NELL1: variants seen among roughly 807,000 people sequenced by gnomAD.
NELL1 encodes the protein neural EGFL like 1.
NELL1 carries 76 observed loss-of-function variants against 107.4 expected under a neutral mutation model. The ratio of observed to expected loss-of-function variants is 0.71; its 90% CI spans 0.59 to 0.86. The LOEUF (loss-of-function observed/expected upper bound fraction) is 0.86. Among genes scored for constraint, NELL1 ranks in the 40% least tolerant of loss-of-function variants. The pLI, the probability that NELL1 is intolerant of heterozygous loss-of-function variation, is 0.00. For synonymous variants in NELL1, 353 were observed against 341.2 expected, an observed-to-expected ratio of 1.03 and a Z score of -0.38; for missense variants, 1,024 against 1,005.5, an observed-to-expected ratio of 1.02 and a Z score of -0.25.
intron 4 of NELL1, among the ~76,000 whole-genome samples, chr11:20,848,904 G>T (rs1283290901): frequency 1.3e-5 from 2 of 152,292 alleles, no homozygotes; most frequent in Admixed American, 1.3e-4. Flanking sequence ...TATTTAAGGT[G>T]CTTTTTAGAC....
intron 15 of NELL1, among the ~76,000 whole-genome samples, chr11:21,377,198 T>G (rs2133762822): frequency 6.6e-6 from 1 of 152,250 alleles, no homozygotes; most frequent in Non-Finnish European, 1.5e-5. Flanking sequence ...AGATGGCTCC[T>G]ATTATTTTGA....
intron 2 of NELL1, among the ~76,000 whole-genome samples, chr11:20,690,913 G>A (rs1271408944): frequency 6.6e-6 from 1 of 151,948 alleles, no homozygotes; most frequent in Non-Finnish European, 1.5e-5. Flanking sequence ...TCCTACCCAT[G>A]AGCATGGAAT....
At position 20,928,405 on chromosome 11, in the gene NELL1, C is replaced by G. The variant is rs749227561; in HGVS notation, c.923C>G (p.Ser308Cys). The change falls in exon 9 of 20, where the codon TCC (serine) becomes TGC (cysteine). Residue 308 changes from serine (S) to cysteine (C), a missense_variant. Ser to Cys is a moderately radical substitution (Grantham distance 112, BLOSUM62 -1). Transcript: ENST00000357134. Reference sequence around the variant, plus strand: ...GGTGCCGTGGAATGCCGAAGGATGTCCTGTCCCCCTCTCAATTGCTCCCCA... The same window carrying G: ...GGTGCCGTGGAATGCCGAAGGATGTGCTGTCCCCCTCTCAATTGCTCCCCA... ...KSGAVECRRM[S>C]CPPLNCSPDS... 13 of 1,613,882 alleles carry G rather than the reference C, an allele frequency of 8.1e-6. No homozygotes were observed. The highest frequency in any genetic ancestry group is 6.7e-5 in the Admixed American group (4 of 59,978).
At chr11:21,363,136 C>A (rs1410449416) in intron 14 of NELL1, among the ~76,000 whole-genome samples, 1 of 152,124 alleles carries the variant, frequency 6.6e-6, no homozygotes, top group Non-Finnish European at 1.5e-5. Context: ...CCAGTCAAAA[C>A]CACTGCCAAT....
At chr11:20,870,017 C>G (rs1360617632) in intron 4 of NELL1, among the ~76,000 whole-genome samples, 3 of 152,142 alleles carry the variant, frequency 2.0e-5, no homozygotes, top group African/African-American at 7.2e-5. Context: ...TGTGGAAAAT[C>G]AGTAAACATT....
chr11:21,257,336 A>AT (rs1014988639), intron 14 of NELL1, among the ~76,000 whole-genome samples: 1 of 152,022 alleles, frequency 6.6e-6, no homozygotes, highest in African/African-American at 2.4e-5. Flanking sequence ...GGATTTGGAA[A>AT]TTTCAAGGAA....
At chr11:21,170,201 A>C in intron 13 of NELL1, 1 of 526,470 alleles carries the variant, frequency 1.9e-6, no homozygotes, top group Non-Finnish European at 3.4e-6. Context: ...CCCAAAACTC[A>C]TCTGTCGAAC....
At chr11:21,300,296 G>T (rs1378337803) in intron 14 of NELL1, among the ~76,000 whole-genome samples, 1 of 151,934 alleles carries the variant, frequency 6.6e-6, no homozygotes, top group Non-Finnish European at 1.5e-5. Flanking sequence ...AAAGAAGCAA[G>T]AATACTTTTC....
At chr11:21,400,667 A>C (rs1488403674) in intron 15 of NELL1, among the ~76,000 whole-genome samples, 1 of 151,936 alleles carries the variant, frequency 6.6e-6, no homozygotes, top group African/African-American at 2.4e-5. Flanking sequence ...GCCAGACTAC[A>C]TTAAAAAGAT....
rs762849017 is a variant in NELL1, at chr11:21,113,725, A to C, written c.1426+11A>C. The C allele has an allele frequency of 6.2e-7, 1 of 1,609,090 alleles. No individual in the cohort carries two copies. Among genetic ancestry groups the C allele is most frequent in the African/African-American group, 1.3e-5 (1 of 74,790 alleles). On this transcript the variant is annotated intron_variant, in intron 13 of 19. Coordinates refer to ENST00000357134, the MANE Select transcript of NELL1 (RefSeq NM_006157.5). ...ACTTCTCTTGTACAGGTGAGCTTTA[A>C]GAAGCAGTGTTGTTTTTTTAATTCA...
chr11:21,167,752 C>G (rs866476347), intron 13 of NELL1, among the ~76,000 whole-genome samples: 1 of 151,742 alleles, frequency 6.6e-6, no homozygotes, highest in Admixed American at 6.6e-5. Context: ...TTGATTCAGG[C>G]CACATTTGCA....
chr11:21,278,479 G>C (rs918561111), intron 14 of NELL1, among the ~76,000 whole-genome samples: 1 of 152,046 alleles, frequency 6.6e-6, no homozygotes, highest in African/African-American at 2.4e-5. Flanking sequence ...AAAGTCGATA[G>C]TTTTTTCTGT....
At chr11:20,755,597 C>G (rs1481868447) in intron 2 of NELL1, among the ~76,000 whole-genome samples, 1 of 140,384 alleles carries the variant, frequency 7.1e-6, no homozygotes, top group Non-Finnish European at 1.5e-5. Flanking sequence ...TGGCTGTTAC[C>G]CAAGCTGGAG....
chr11:21,049,219 G>A (rs2134344419), intron 12 of NELL1, among the ~76,000 whole-genome samples: 1 of 152,260 alleles, frequency 6.6e-6, no homozygotes, highest in Middle Eastern at 3.4e-3. Flanking sequence ...TCCACTAAGG[G>A]AAATTCCCAG....
rs537578591 is a variant in NELL1 at position 21,246,732 on chromosome 11, C to G, written c.1549+17278C>G. ...TTCATGCTGCTGATAGAGACATACC[C>G]GAGACTGGGTAATTTATAAAGAAAA... On this transcript the variant is annotated intron_variant, in intron 14 of 19. Coordinates refer to ENST00000357134, the MANE Select transcript of NELL1 (RefSeq NM_006157.5). Among the ~76,000 whole-genome samples, 89 of 152,126 alleles carry G rather than the reference C, an allele frequency of 5.9e-4. 1 individual carries two copies. Among genetic ancestry groups the G allele is most frequent in the African/African-American group, 2.1e-3 (86 of 41,488 alleles).
intron 15 of NELL1, among the ~76,000 whole-genome samples, chr11:21,404,394 A>G (rs1451548109): frequency 6.6e-6 from 1 of 151,904 alleles, no homozygotes; most frequent in Non-Finnish European, 1.5e-5. Flanking sequence ...ATTAGAAGGA[A>G]CTTTAGAGTA....
intron 2 of NELL1, among the ~76,000 whole-genome samples, chr11:20,708,070 T>C (rs1462240282): frequency 2.0e-5 from 3 of 152,262 alleles, no homozygotes; most frequent in Non-Finnish European, 2.9e-5. Flanking sequence ...CCAGCCTCGC[T>C]GCTGCTTTGC....
chr11:21,435,870 A>G lies in NELL1; in HGVS notation c.1645+64922A>G, dbSNP rs147267581. On this transcript the variant is annotated intron_variant, in intron 15 of 19. Transcript: ENST00000357134. ...TGCTGGCTTCATAGAATGAGTTAAG[A>G]AAAATTCCCTTCTCTTCAATCTTTA... Among the ~76,000 whole-genome samples, 354 of 152,156 alleles carry G rather than the reference A, an allele frequency of 2.3e-3. 1 individual carries two copies. Among genetic ancestry groups the G allele is most frequent in the Non-Finnish European group, 4.2e-3 (286 of 67,988 alleles).
At chr11:20,965,265 A>G (rs1009963080) in intron 12 of NELL1, among the ~76,000 whole-genome samples, 1 of 152,234 alleles carries the variant, frequency 6.6e-6, no homozygotes. Flanking sequence ...TTTCCCAATT[A>G]AGATGATAAT....
Sources: gnomAD v4.1 joint callset for allele counts (sites outside exome capture counted in the v4.1 genomes callset) on GRCh38, gnomAD v4.1.1 for gene constraint, MANE v1.5 for transcripts, NCBI Gene and HGNC (gene_info 2026-07-23, HGNC 2026-07-21) for gene names.